The following TRAK1 variants were observed in gnomAD, a reference collection of about 807,000 sequenced individuals.
The protein encoded by TRAK1 is trafficking kinesin-binding protein 1.
TRAK1 carries 33 observed loss-of-function variants against 92.1 expected under a neutral mutation model. The observed-to-expected ratio is 0.36, with a 90% CI of 0.27 to 0.48. The LOEUF is 0.48. Ranked by LOEUF, TRAK1 falls within the 20% of genes least tolerant of loss-of-function variation. TRAK1 has a pLI of 0.99. For synonymous variants in TRAK1, 521 were observed against 517.3 expected (o/e 1.01, Z -0.10); for missense variants, 1,123 against 1,257.9 (o/e 0.89, Z 1.62).
intron 1 of TRAK1, among the ~76,000 whole-genome samples, chr3:42,020,880 T>G (rs775343336): frequency 2.0e-5 from 3 of 152,204 alleles, no homozygotes; most frequent in African/African-American, 4.8e-5. Context: ...TTAAGAGATC[T>G]AGTAAGACAG....
At chr3:42,147,053 G>T (rs75586638) in intron 2 of TRAK1, among the ~76,000 whole-genome samples, 6,002 of 152,178 alleles carry the variant, frequency 0.039, 417 homozygotes, top group African/African-American at 0.14. Context: ...CCATTCACCT[G>T]TCTTGAGGTG....
At chr3:42,144,124 C>CCTG (rs1233020699) in intron 2 of TRAK1, among the ~76,000 whole-genome samples, 1 of 152,150 alleles carries the variant, frequency 6.6e-6, no homozygotes, top group Non-Finnish European at 1.5e-5. Flanking sequence ...ACCTGTCACT[C>CCTG]CTGCTCATTA....
intron 2 of TRAK1, among the ~76,000 whole-genome samples, chr3:42,127,497 T>C (rs1444785112): frequency 6.6e-6 from 1 of 151,964 alleles, no homozygotes; most frequent in Non-Finnish European, 1.5e-5. Flanking sequence ...GGACTACATG[T>C]ATGTACCACG....
chr3:42,134,544 T>G (rs1697678131), intron 2 of TRAK1, among the ~76,000 whole-genome samples: 1 of 147,970 alleles, frequency 6.8e-6, no homozygotes, highest in South Asian at 2.2e-4. Context: ...CCCAAAGTGC[T>G]GGGATTACAG....
chr3:42,223,894 G>C lies in TRAK1; in HGVS notation c.*157G>C. Reference sequence around the variant, plus strand: ...ATCAACCTCGTGCCTAATGGAGGAAGTGTGGAAACTTTGTAAAATGTGTAC... The same window carrying C: ...ATCAACCTCGTGCCTAATGGAGGAACTGTGGAAACTTTGTAAAATGTGTAC... On this transcript the variant is annotated 3_prime_UTR_variant, in exon 16 of 16. Coordinates refer to ENST00000327628, the MANE Select transcript of TRAK1 (RefSeq NM_001042646.3). This position sits in a 1 kb window ranked among gnomAD's most constrained non-coding sequence, Gnocchi z 6.1. The C allele has an allele frequency of 1.2e-6, 1 of 859,676 alleles. No individual in the cohort carries two copies. Among genetic ancestry groups the C allele is most frequent in the Non-Finnish European group, 1.8e-6 (1 of 556,694 alleles). The allele number at this position is 859,676 out of a possible 1,614,324, so 53.3% of individuals were successfully genotyped here. A position where few individuals can be genotyped will look rare whatever the true frequency, so the allele number is the denominator to read the frequency against.
intron 15 of TRAK1, among the ~76,000 whole-genome samples, chr3:42,220,273 C>G (rs947360430): frequency 6.6e-6 from 1 of 152,154 alleles, no homozygotes; most frequent in South Asian, 2.1e-4. Context: ...CTCTCTGGAG[C>G]ACCATCTATG....
intron 10 of TRAK1, among the ~76,000 whole-genome samples, chr3:42,197,107 C>T (rs1309686356): frequency 6.6e-6 from 1 of 150,942 alleles, no homozygotes; most frequent in East Asian, 2.0e-4. Flanking sequence ...AATATTATTC[C>T]AGGAAGGAGT....
chr3:42,117,445 C>T (rs1709308188), intron 1 of TRAK1, among the ~76,000 whole-genome samples: 1 of 152,016 alleles, frequency 6.6e-6, no homozygotes, highest in Non-Finnish European at 1.5e-5. Context: ...TTCTTCTCTC[C>T]TCCTTTGCTT....
At chr3:42,133,245 C>A (rs772949577) in intron 2 of TRAK1, among the ~76,000 whole-genome samples, 5 of 152,176 alleles carry the variant, frequency 3.3e-5, no homozygotes, top group African/African-American at 1.2e-4. Context: ...CTCTATCCAG[C>A]CAGCCTCGTT....
At chr3:42,115,471 C>G (rs1209808863) in intron 1 of TRAK1, among the ~76,000 whole-genome samples, 1 of 152,136 alleles carries the variant, frequency 6.6e-6, no homozygotes, top group East Asian at 1.9e-4. Flanking sequence ...CTCTGTGCGA[C>G]TGCTTCTTTG....
At chr3:42,140,225 C>T (rs914072413) in intron 2 of TRAK1, among the ~76,000 whole-genome samples, 1 of 152,084 alleles carries the variant, frequency 6.6e-6, no homozygotes, top group African/African-American at 2.4e-5. Context: ...GGTGCCTGTG[C>T]CTGAAATGAG....
chr3:42,124,054 C>CTT (rs1168335197), intron 1 of TRAK1, among the ~76,000 whole-genome samples: 2 of 151,740 alleles, frequency 1.3e-5, no homozygotes, highest in African/African-American at 4.8e-5. Context: ...GGGAGGAATG[C>CTT]TTGAGGATCG....
At chr3:42,180,178 A>G (rs1703804541) in intron 3 of TRAK1, among the ~76,000 whole-genome samples, 1 of 152,194 alleles carries the variant, frequency 6.6e-6, no homozygotes, top group African/African-American at 2.4e-5. Flanking sequence ...AACTAGAGAC[A>G]CTACAATAAC....
chr3:42,036,302 C>T (rs1200630333), intron 1 of TRAK1, among the ~76,000 whole-genome samples: 1 of 152,196 alleles, frequency 6.6e-6, no homozygotes, highest in African/African-American at 2.4e-5. Flanking sequence ...TCAGCACTAG[C>T]AGTGCCTCAC....
chr3:42,160,569 G>GT lies in TRAK1; in HGVS notation c.287-16236dup, dbSNP rs71616033. 306 of 1,130,538 alleles carry GT rather than the reference G, an allele frequency of 2.7e-4. 3 individuals are homozygous for GT. Among genetic ancestry groups the GT allele is most frequent in the South Asian group, 1.0e-3 (58 of 55,328 alleles). 70.0% of individuals were successfully genotyped at this position (1,130,538 alleles called of 1,614,324 possible). ...GATTTCATAGCACTGTTTTGTTTTT[G>GT]TTTTTTTTTAAGTTGAGGTATAAGT... On this transcript the variant is annotated intron_variant, in intron 2 of 15. Transcript: ENST00000327628.
rs544803989 is a variant in TRAK1 at position 42,217,814 on chromosome 3, G to A, written c.1964-1680G>A. The A allele has an allele frequency of 5.1e-6, 5 of 985,398 alleles. No homozygotes were observed. The African/African-American group carries it at 8.7e-5, about 17-fold the overall frequency. The allele number at this position is 985,398 out of a possible 1,614,324, so 61.0% of individuals were successfully genotyped here. On this transcript the variant is annotated intron_variant, in intron 14 of 15. Coordinates refer to ENST00000327628, the MANE Select transcript of TRAK1 (RefSeq NM_001042646.3). ...GTTTCTAGACCTTATTGCGGGAAGA[G>A]AATCGTGATTGTTTGGTTGCCTTCT... is the stretch of plus-strand genomic sequence containing the variant.
intron 1 of TRAK1, among the ~76,000 whole-genome samples, chr3:42,078,022 C>T (rs949189690): frequency 3.3e-5 from 5 of 152,274 alleles, no homozygotes; most frequent in Admixed American, 1.3e-4. Context: ...GTTTTGTAGA[C>T]GAAAGAAATT....
At chr3:42,135,917 A>G (rs962881273) in intron 2 of TRAK1, among the ~76,000 whole-genome samples, 1 of 152,168 alleles carries the variant, frequency 6.6e-6, no homozygotes, top group Non-Finnish European at 1.5e-5. Flanking sequence ...TGTGCTTGCC[A>G]TCCTCACACT....
chr3:42,111,801 G>C (rs988066678), intron 1 of TRAK1, among the ~76,000 whole-genome samples: 4 of 151,922 alleles, frequency 2.6e-5, no homozygotes, highest in Admixed American at 2.6e-4. Context: ...TTTTGGGCTG[G>C]GTTTATAGTT....
Sources: gnomAD v4.1 joint callset for allele counts (sites outside exome capture counted in the v4.1 genomes callset) on GRCh38, gnomAD v4.1.1 for gene constraint, Gnocchi (gnomAD v3.1) non-coding constraint, MANE v1.5 for transcripts, NCBI Gene and HGNC (gene_info 2026-07-23, HGNC 2026-07-21) for gene names.